GABRA4: variants seen among roughly 807,000 people sequenced by gnomAD.
GABRA4 encodes gamma-aminobutyric acid receptor subunit alpha-4.
GABRA4 carries 12 observed loss-of-function variants against 49.7 expected under a neutral mutation model. That is an observed-to-expected ratio of 0.24 (90% confidence interval 0.15 to 0.39). The LOEUF (loss-of-function observed/expected upper bound fraction) is 0.39. Among genes scored for constraint, GABRA4 ranks in the 10% least tolerant of loss-of-function variants. The probability of loss-of-function intolerance (pLI) is 1.00; values close to 1 mark genes in which losing one functional copy is unlikely to be tolerated. For missense variants in GABRA4, 506 were observed against 686.0 expected, an observed-to-expected ratio of 0.74 and a Z score of 2.93; for synonymous variants, 288 against 240.2, an observed-to-expected ratio of 1.20 and a Z score of -1.84.
chr4:46,928,168 T>C lies in GABRA4; in HGVS notation c.*57A>G. The C allele has an allele frequency of 7.3e-7, 1 of 1,374,320 alleles. No homozygotes were observed. The highest frequency in any genetic ancestry group is 9.8e-7 in the Non-Finnish European group (1 of 1,015,292). 85.1% of individuals were successfully genotyped at this position (1,374,320 alleles called of 1,614,324 possible). ...GAATATTTGTTTATATTTAAAAACA[T>C]TTAAAAAGACATTCTGCATTTTCAT... On this transcript the variant is annotated 3_prime_UTR_variant, in exon 9 of 9. Transcript: ENST00000264318.
chr4:46,988,755 T>A lies in GABRA4; in HGVS notation c.205+4073A>T, dbSNP rs143501091. Reference sequence around the variant, plus strand: ...CCTACTTAACTTAGTAGCAAGAAGGTATGTTGAGGAAATTTGACTCTTGAT... The same window carrying A: ...CCTACTTAACTTAGTAGCAAGAAGGAATGTTGAGGAAATTTGACTCTTGAT... On this transcript the variant is annotated intron_variant, in intron 2 of 8. Coordinates refer to ENST00000264318, the MANE Select transcript of GABRA4 (RefSeq NM_000809.4). Among the ~76,000 whole-genome samples the A allele has an allele frequency of 2.6e-5, 4 of 152,332 alleles. No homozygotes were observed. The East Asian group carries it at 7.7e-4, about 29-fold the overall frequency.
At chr4:46,949,036 G>A (rs1722075098) in intron 8 of GABRA4, among the ~76,000 whole-genome samples, 1 of 152,000 alleles carries the variant, frequency 6.6e-6, no homozygotes, top group South Asian at 2.1e-4. Context: ...AGAACAATTG[G>A]CCTAAACCTT....
At chr4:46,944,889 C>A (rs11946433) in intron 8 of GABRA4, among the ~76,000 whole-genome samples, 7,685 of 152,112 alleles carry the variant, frequency 0.051, 276 homozygotes, top group Non-Finnish European at 0.078. Context: ...TCAACAGTGT[C>A]TAACTGTTTT....
rs966753861 is a variant in GABRA4 at position 46,924,296 on chromosome 4, A to G, written c.*3929T>C. On this transcript the variant is annotated 3_prime_UTR_variant, in exon 9 of 9. Transcript: ENST00000264318. ...TTAATTTTGAGTTTTAAAAATATTC[A>G]CTTAAATATTAGGTATCTTGATTAT... is the stretch of plus-strand genomic sequence containing the variant. 6.6e-6 allele frequency: 1 copy of G among 152,100 alleles called. No individual in the cohort carries two copies. The highest frequency in any genetic ancestry group is 1.5e-5 in the Non-Finnish European group (1 of 67,990). The allele number at this position is 152,100 out of a possible 1,614,324, so 9.4% of individuals were successfully genotyped here. A position where few individuals can be genotyped will look rare whatever the true frequency, so the allele number is the denominator to read the frequency against.
intron 8 of GABRA4, among the ~76,000 whole-genome samples, chr4:46,930,673 C>T (rs113740281): frequency 0.03 from 4,499 of 151,280 alleles, 79 homozygotes; most frequent in Middle Eastern, 0.12. Context: ...TGCATACCAT[C>T]TTCTTCTTTC....
At chr4:46,932,698 A>T (rs1027291029) in intron 8 of GABRA4, among the ~76,000 whole-genome samples, 1 of 152,296 alleles carries the variant, frequency 6.6e-6, no homozygotes, top group South Asian at 2.1e-4. Flanking sequence ...AGATCATGAA[A>T]GGTTATGGTT....
intron 8 of GABRA4, among the ~76,000 whole-genome samples, chr4:46,929,468 C>A (rs969530331): frequency 6.6e-6 from 1 of 152,010 alleles, no homozygotes; most frequent in South Asian, 2.1e-4. Context: ...TATCTGAATT[C>A]AAACCATTAA....
In GABRA4 at chr4:46,920,313, T is replaced by C. The variant is rs1720938586; in HGVS notation, c.*7912A>G. ...ATATTATGCAATTGGTAATATCTTA[T>C]ATTGCCAACAACATAACTTTGTTCA... On this transcript the variant is annotated 3_prime_UTR_variant, in exon 9 of 9. Coordinates refer to ENST00000264318, the MANE Select transcript of GABRA4 (RefSeq NM_000809.4). 2 of 151,720 alleles carry C rather than the reference T, an allele frequency of 1.3e-5. No homozygotes were observed. The highest frequency in any genetic ancestry group is 4.8e-5 in the African/African-American group (2 of 41,416). The allele number at this position is 151,720 out of a possible 1,614,324, so 9.4% of individuals were successfully genotyped here.
At chr4:46,960,205 T>C (rs1722522989) in intron 8 of GABRA4, among the ~76,000 whole-genome samples, 1 of 151,766 alleles carries the variant, frequency 6.6e-6, no homozygotes, top group African/African-American at 2.4e-5. Context: ...AACTTTATTT[T>C]ATTACTAGAG....
intron 2 of GABRA4, among the ~76,000 whole-genome samples, chr4:46,989,092 A>T (rs1384096756): frequency 1.3e-5 from 2 of 152,248 alleles, no homozygotes; most frequent in Non-Finnish European, 2.9e-5. Context: ...GTTGTGGAAG[A>T]TGATTCAAAG....
chr4:46,948,925 C>T (rs1243975132), intron 8 of GABRA4, among the ~76,000 whole-genome samples: 1 of 151,978 alleles, frequency 6.6e-6, no homozygotes, highest in Non-Finnish European at 1.5e-5. Context: ...TACTCCTTTC[C>T]ATATATTTTC....
intron 2 of GABRA4, among the ~76,000 whole-genome samples, chr4:46,983,490 T>C (rs985804104): frequency 6.6e-6 from 1 of 152,110 alleles, no homozygotes; most frequent in Non-Finnish European, 1.5e-5. Flanking sequence ...CCAGTAGTGA[T>C]TTAAAAACCC....
intron 8 of GABRA4, among the ~76,000 whole-genome samples, chr4:46,942,386 G>GTTC (rs1721834314): frequency 6.6e-6 from 1 of 151,888 alleles, no homozygotes; most frequent in East Asian, 1.9e-4. Context: ...ATTATTTGTG[G>GTTC]ATCACTATAA....
intron 8 of GABRA4, among the ~76,000 whole-genome samples, chr4:46,964,106 G>A (rs1722670623): frequency 6.6e-6 from 1 of 151,908 alleles, no homozygotes; most frequent in Non-Finnish European, 1.5e-5. Flanking sequence ...CCAGTCATTT[G>A]CTACAACATG....
chr4:46,991,489 C>T (rs1337617527), intron 2 of GABRA4, among the ~76,000 whole-genome samples: 2 of 152,164 alleles, frequency 1.3e-5, no homozygotes, highest in Non-Finnish European at 2.9e-5. Flanking sequence ...CATACTCCTA[C>T]TTCACATCAC....
chr4:46,933,897 G>T (rs1721524654), intron 8 of GABRA4, among the ~76,000 whole-genome samples: 1 of 152,202 alleles, frequency 6.6e-6, no homozygotes, highest in Non-Finnish European at 1.5e-5. Context: ...CAAGGTGGTA[G>T]ATTTAAACAT....
At chr4:46,958,321 C>G (rs1364535317) in intron 8 of GABRA4, among the ~76,000 whole-genome samples, 1 of 151,754 alleles carries the variant, frequency 6.6e-6, no homozygotes, top group South Asian at 2.1e-4. Context: ...CTAATGTTAG[C>G]CATCTCATTA....
In GABRA4 at chr4:46,925,934, A is replaced by G. The variant is rs1278114551; in HGVS notation, c.*2291T>C. Reference sequence around the variant, plus strand: ...ACCTTCATATGTAAAGGTAAGAAAAAAAATCATTTCTTTTTATCTCTTTAC... The same window carrying G: ...ACCTTCATATGTAAAGGTAAGAAAAGAAATCATTTCTTTTTATCTCTTTAC... On this transcript the variant is annotated 3_prime_UTR_variant, in exon 9 of 9. Coordinates refer to ENST00000264318, the MANE Select transcript of GABRA4 (RefSeq NM_000809.4). 1 of 151,602 alleles carries G rather than the reference A, an allele frequency of 6.6e-6. No individual in the cohort carries two copies. The highest frequency in any genetic ancestry group is 1.5e-5 in the Non-Finnish European group (1 of 67,764). 9.4% of individuals were successfully genotyped at this position (151,602 alleles called of 1,614,324 possible).
chr4:46,958,668 G>C (rs1267346954), intron 8 of GABRA4, among the ~76,000 whole-genome samples: 3 of 151,822 alleles, frequency 2.0e-5, no homozygotes, highest in African/African-American at 7.3e-5. Context: ...GACGCCCAAA[G>C]ACATACTCAA....
Sources: allele counts gnomAD v4.1 joint callset (sites outside exome capture counted in the v4.1 genomes callset), GRCh38; gene constraint gnomAD v4.1.1; transcripts MANE v1.5; gene names NCBI Gene and HGNC (gene_info 2026-07-23, HGNC 2026-07-21).